WTAP: variants seen among roughly 807,000 people sequenced by gnomAD.
WTAP encodes WT1 associated protein.
WTAP carries 8 observed loss-of-function variants against 50.0 expected under a neutral mutation model. The ratio of observed to expected loss-of-function variants is 0.16; its 90% CI spans 0.09 to 0.29. The LOEUF is 0.29. Among genes scored for constraint, WTAP ranks in the 10% least tolerant of loss-of-function variants. The pLI is 1.00. For synonymous variants in WTAP, 194 were observed against 169.0 expected (o/e 1.15, Z -1.15); for missense variants, 295 against 470.7 (o/e 0.63, Z 3.45).
intron 5 of WTAP, among the ~76,000 whole-genome samples, chr6:159,744,507 A>G (rs1779451614): frequency 7.4e-6 from 1 of 135,862 alleles, no homozygotes; most frequent in African/African-American, 2.8e-5. Flanking sequence ...TGGAGACACC[A>G]AAAATCTATG....
rs113344668 is a variant in WTAP at position 159,751,025 on chromosome 6, A to G, written c.453-2435A>G. Among the ~76,000 whole-genome samples the G allele has an allele frequency of 7.9e-3, 1,208 of 152,332 alleles. 17 individuals are homozygous for G. Among genetic ancestry groups the G allele is most frequent in the African/African-American group, 0.027 (1,111 of 41,574 alleles). ...TCATGTGAGAATGCACACATTTTAG[A>G]GTGTTTAGAGGTATATCTTTCAAAG... On this transcript the variant is annotated intron_variant, in intron 6 of 7. Coordinates refer to ENST00000621533, the MANE Select transcript of WTAP (RefSeq NM_001270531.2).
At chr6:159,738,777 A>G (rs1372431906) in intron 2 of WTAP, among the ~76,000 whole-genome samples, 2 of 152,020 alleles carry the variant, frequency 1.3e-5, no homozygotes, top group East Asian at 1.9e-4. Context: ...TGGGGTTTTA[A>G]TGTGCATTTT....
At chr6:159,737,837 TTA>T (rs1779014804) in intron 2 of WTAP, among the ~76,000 whole-genome samples, 1 of 152,200 alleles carries the variant, frequency 6.6e-6, no homozygotes, top group Admixed American at 6.5e-5. Flanking sequence ...TTTACAGCCT[TTA>T]TTTGGTGTAG....
intron 6 of WTAP, among the ~76,000 whole-genome samples, chr6:159,749,950 A>G (rs775956210): frequency 6.6e-6 from 1 of 152,184 alleles, no homozygotes; most frequent in Non-Finnish European, 1.5e-5. Context: ...GCTTGTCCCA[A>G]CGTTTAAGTG....
intron 6 of WTAP, chr6:159,749,038 A>G (rs1779723753): frequency 3.0e-6 from 3 of 994,552 alleles, no homozygotes; most frequent in Non-Finnish European, 3.6e-6. Context: ...ATATTTAACC[A>G]TTTAGTTTGG....
rs138325036 is a variant in WTAP, at chr6:159,732,772, C to T, written c.-8-3486C>T. On this transcript the variant is annotated intron_variant, in intron 1 of 7. Transcript: ENST00000621533. ...CCAGGCGGTGGAGGTTGCAGTGAGC[C>T]GAGATCGCGCCATTGCACTCCAGCC... Among the ~76,000 whole-genome samples, 310 of 151,978 alleles carry T rather than the reference C, an allele frequency of 2.0e-3. 1 individual carries two copies. The highest frequency in any genetic ancestry group is 7.1e-3 in the African/African-American group (293 of 41,414).
At chr6:159,736,392 T>C (rs1778917655) in intron 2 of WTAP, 97 bp downstream of exon 2, 1 of 970,618 alleles carries the variant, frequency 1.0e-6, no homozygotes. Context: ...GGGATTATCG[T>C]TGTTTGCTTA....
chr6:159,730,977 A>G (rs1327888908), intron 1 of WTAP: 3 of 151,970 alleles, frequency 2.0e-5, no homozygotes, highest in African/African-American at 7.3e-5. Flanking sequence ...TAGAAAAAAA[A>G]AAGAAATACA....
chr6:159,742,312 GAC>G (rs1481520418), intron 4 of WTAP, among the ~76,000 whole-genome samples, 166 bp downstream of exon 4: 3 of 152,156 alleles, frequency 2.0e-5, no homozygotes, highest in Non-Finnish European at 4.4e-5. Flanking sequence ...AGATGAATGA[GAC>G]ACAGTCTCAG....
chr6:159,749,114 G>A, intron 6 of WTAP: 1 of 986,308 alleles, frequency 1.0e-6, no homozygotes, highest in Non-Finnish European at 1.2e-6. Flanking sequence ...TCTTTGAATG[G>A]TTGCAAAAAC....
At chr6:159,731,927 G>C (rs1415879221) in intron 1 of WTAP, among the ~76,000 whole-genome samples, 2 of 152,076 alleles carry the variant, frequency 1.3e-5, no homozygotes, top group Non-Finnish European at 2.9e-5. Flanking sequence ...TAAGCTTACT[G>C]TTAATTTTAT....
intron 7 of WTAP, among the ~76,000 whole-genome samples, 187 bp from the exon 8 acceptor site, chr6:159,754,841 A>C (rs141015880): frequency 0.01 from 1,578 of 152,220 alleles, 26 homozygotes; most frequent in African/African-American, 0.037. Context: ...TAAGTATCTG[A>C]CTTCCCCCAA....
At chr6:159,728,259 C>T (rs1286433608) in intron 1 of WTAP, among the ~76,000 whole-genome samples, 1 of 152,100 alleles carries the variant, frequency 6.6e-6, no homozygotes, top group Non-Finnish European at 1.5e-5. Flanking sequence ...CCCTGTGAGA[C>T]AGTTACTAGA....
rs1346483517 is a variant in WTAP at position 159,748,361 on chromosome 6, G to A, written c.444G>A (p.Thr148=). ...AQNELSAWKF[T]PDSQTGKKLM... ...ATGAACTGAGTGCCTGGAAGTTTACGCCTGATAGGTAAACAAATCATACTC... is the reference window on the plus strand; with the variant it reads ...ATGAACTGAGTGCCTGGAAGTTTACACCTGATAGGTAAACAAATCATACTC... The change falls in exon 6 of 8, where the codon ACG becomes ACA. Residue 148 remains threonine, a synonymous_variant. Transcript: ENST00000621533. The surrounding 1 kb of genome is among the most constrained non-coding windows in gnomAD (Gnocchi z 5.6). 7 of 1,613,510 alleles carry A rather than the reference G, an allele frequency of 4.3e-6. No individual in the cohort carries two copies. The highest frequency in any genetic ancestry group is 2.2e-5 in the East Asian group (1 of 44,874).
At position 159,755,737 on chromosome 6, in the gene WTAP, T is replaced by C; in HGVS notation, c.*126T>C. ...TGTACGTTTTGGTTTTTTTTTGTTG[T>C]TTTTTTTCTTTGTTTTTTTTTTCTT... On this transcript the variant is annotated 3_prime_UTR_variant, in exon 8 of 8. Transcript: ENST00000621533. The C allele has an allele frequency of 8.3e-7, 1 of 1,211,442 alleles. No homozygotes were observed. The highest frequency in any genetic ancestry group is 3.5e-5 in the South Asian group (1 of 28,934). 75.0% of individuals were successfully genotyped at this position (1,211,442 alleles called of 1,614,324 possible).
intron 6 of WTAP, among the ~76,000 whole-genome samples, chr6:159,750,710 C>T (rs755028759): frequency 5.3e-5 from 8 of 151,944 alleles, no homozygotes; most frequent in East Asian, 1.9e-4. Context: ...AGTATATTTC[C>T]GTTATATTAA....
In WTAP at chr6:159,739,017, G is replaced by A; in HGVS notation, c.58G>A (p.Val20Ile). Residue 20 changes from valine (V) to isoleucine (I), a missense_variant, in exon 3 of 8, where the codon GTT becomes ATT. Transcript: ENST00000621533. ...KVRLSETDFK[V>I]MARDELILRW... ...TCGATTGAGTGAAACAGACTTCAAA[G>A]TTATGGCAAGAGATGAGTTAATTCT... The A allele has an allele frequency of 1.2e-6, 2 of 1,612,174 alleles. No individual in the cohort carries two copies. The highest frequency in any genetic ancestry group is 1.1e-5 in the South Asian group (1 of 90,888).
intron 1 of WTAP, among the ~76,000 whole-genome samples, chr6:159,731,416 T>C (rs1455408393): frequency 1.3e-5 from 2 of 151,818 alleles, no homozygotes; most frequent in African/African-American, 2.4e-5. Context: ...TGCAGTGAGC[T>C]GTGATCGAGT....
intron 6 of WTAP, among the ~76,000 whole-genome samples, chr6:159,752,074 A>T (rs1299635764): frequency 6.6e-6 from 1 of 152,162 alleles, no homozygotes; most frequent in African/African-American, 2.4e-5. Flanking sequence ...AAAAAAAAAA[A>T]AAAATGCTGT....
Sources: allele counts gnomAD v4.1 joint callset (sites outside exome capture counted in the v4.1 genomes callset), GRCh38; gene constraint gnomAD v4.1.1; non-coding constraint Gnocchi (gnomAD v3.1); transcripts MANE v1.5; gene names NCBI Gene and HGNC (gene_info 2026-07-23, HGNC 2026-07-21).